Variants in ADGRL4 observed in about 807,000 individuals in gnomAD.
The protein encoded by ADGRL4 is adhesion G protein-coupled receptor L4, also known as EGF, latrophilin and seven transmembrane domain containing 1.
A neutral mutation model predicts 74.8 loss-of-function variants in ADGRL4; 90 were observed. That is an observed-to-expected ratio of 1.20 (90% confidence interval 1.02 to 1.43). The LOEUF (loss-of-function observed/expected upper bound fraction) is 1.43, where lower values mean the gene tolerates loss of function less well. Among genes scored for constraint, ADGRL4 ranks in the 40% most tolerant of loss-of-function variants. ADGRL4 has a pLI of 0.00. For missense variants in ADGRL4, 881 were observed against 814.3 expected (o/e 1.08, Z -1.00); for synonymous variants, 311 against 279.2 (o/e 1.11, Z -1.14).
rs1412853510 is a variant in ADGRL4, at chr1:78,917,941, TA to T, written c.1570del (p.Tyr524ThrfsTer16). 6.2e-7 allele frequency: 1 copy of T among 1,612,536 alleles called. No individual in the cohort carries two copies. The highest frequency in any genetic ancestry group is 1.3e-5 in the African/African-American group (1 of 74,756). ...HLYLIVVGVI[Y>X]NKGFLHKNFY... ...ATTCTTGTGCAAAAATCCCTTGTTG[TA>T]GATGACACCCACAACAATGAGATAG... On this transcript the variant is annotated frameshift_variant, in exon 11 of 15. Transcript: ENST00000370742. LOFTEE classifies it high-confidence loss of function.
At chr1:78,915,259 G>A (rs1291324691) in intron 12 of ADGRL4, among the ~76,000 whole-genome samples, 1 of 151,862 alleles carries the variant, frequency 6.6e-6, no homozygotes, top group African/African-American at 2.4e-5. Flanking sequence ...ACAAAAGCAG[G>A]TGCTAGTCTC....
chr1:78,919,400 C>T (rs899202498), intron 10 of ADGRL4, among the ~76,000 whole-genome samples: 2 of 151,918 alleles, frequency 1.3e-5, no homozygotes, highest in Admixed American at 6.6e-5. Context: ...AAGGATTCCT[C>T]TTACAAAGGA....
intron 2 of ADGRL4, among the ~76,000 whole-genome samples, chr1:78,982,119 A>C (rs1463394070): frequency 2.6e-5 from 4 of 151,898 alleles, no homozygotes; most frequent in Non-Finnish European, 2.9e-5. Context: ...TTGTTATAGA[A>C]TTCCAAATTT....
intron 2 of ADGRL4, among the ~76,000 whole-genome samples, chr1:78,953,436 C>A (rs1342688196): frequency 4.6e-5 from 7 of 152,026 alleles, no homozygotes; most frequent in Admixed American, 4.6e-4. Context: ...GCTGCTAGTT[C>A]ACAAACGAAA....
intron 3 of ADGRL4, among the ~76,000 whole-genome samples, chr1:78,944,983 G>A (rs565691680): frequency 5.7e-4 from 87 of 151,746 alleles, no homozygotes; most frequent in Admixed American, 2.8e-3. Flanking sequence ...TGGGCAACAC[G>A]GTAAAACCCT....
intron 12 of ADGRL4, among the ~76,000 whole-genome samples, chr1:78,901,793 C>T (rs779230711): frequency 1.2e-4 from 18 of 152,166 alleles, no homozygotes; most frequent in Non-Finnish European, 2.4e-4. Flanking sequence ...CGTCTCTCTG[C>T]TAACACCATG....
intron 8 of ADGRL4, among the ~76,000 whole-genome samples, chr1:78,922,811 C>T (rs1649028863): frequency 6.6e-6 from 1 of 151,788 alleles, no homozygotes; most frequent in Non-Finnish European, 1.5e-5. Context: ...CTCAAATTTT[C>T]AGACAAATAT....
At position 78,921,776 on chromosome 1, in the gene ADGRL4, C is replaced by T. The variant is rs1430970832; in HGVS notation, c.1094G>A (p.Arg365Lys). 4 of 1,496,748 alleles carry T rather than the reference C, an allele frequency of 2.7e-6. No homozygotes were observed. Among genetic ancestry groups the T allele is most frequent in the African/African-American group, 1.4e-5 (1 of 69,182 alleles). The allele number at this position is 1,496,748 out of a possible 1,614,324, so 92.7% of individuals were successfully genotyped here. A position where few individuals can be genotyped will look rare whatever the true frequency, so the allele number is the denominator to read the frequency against. Residue 365 changes from arginine to lysine, a missense_variant, in exon 9 of 15, where the codon AGG (arginine) becomes AAG (lysine). Coordinates refer to ENST00000370742, the MANE Select transcript of ADGRL4 (RefSeq NM_022159.4). ...CCAAAATGCACATAGACTCCTATAC[C>T]TATCTGTGACCTGAAAAAAAGATAC... Reference protein sequence around the residue: ...FTLSHRKVTDRYRSLCAFWNY... With the variant: ...FTLSHRKVTDKYRSLCAFWNY...
chr1:78,951,614 C>G (rs529339006), intron 2 of ADGRL4, among the ~76,000 whole-genome samples: 1 of 152,176 alleles, frequency 6.6e-6, no homozygotes, highest in Non-Finnish European at 1.5e-5. Flanking sequence ...AGGGAAAACA[C>G]ATATTTCAAG....
chr1:78,922,836 A>C (rs1039805457), intron 8 of ADGRL4, among the ~76,000 whole-genome samples: 1 of 152,034 alleles, frequency 6.6e-6, no homozygotes, highest in Non-Finnish European at 1.5e-5. Flanking sequence ...TAAAGAAAAC[A>C]TGTCCTGAGT....
chr1:78,965,935 T>C (rs1650047044), intron 2 of ADGRL4, among the ~76,000 whole-genome samples: 1 of 151,908 alleles, frequency 6.6e-6, no homozygotes, highest in African/African-American at 2.4e-5. Flanking sequence ...AAAAGAACTA[T>C]TCTTCAATGA....
intron 14 of ADGRL4, 54 bp downstream of exon 14, chr1:78,891,470 G>T: frequency 6.6e-7 from 1 of 1,524,726 alleles, no homozygotes; most frequent in Non-Finnish European, 8.9e-7. Flanking sequence ...TATCAATTTG[G>T]CAACTGATGT....
chr1:78,912,583 T>C (rs1648784405), intron 12 of ADGRL4, among the ~76,000 whole-genome samples: 1 of 151,790 alleles, frequency 6.6e-6, no homozygotes, highest in African/African-American at 2.4e-5. Flanking sequence ...AAAATCGTCT[T>C]CCACAAAACT....
chr1:78,919,519 C>A (rs764788626), intron 10 of ADGRL4, among the ~76,000 whole-genome samples: 8 of 151,926 alleles, frequency 5.3e-5, no homozygotes, highest in Non-Finnish European at 1.2e-4. Flanking sequence ...AACTGCATTA[C>A]TGTGTGGAAT....
chr1:78,942,254 G>A (rs951141179), intron 3 of ADGRL4, among the ~76,000 whole-genome samples: 1 of 151,720 alleles, frequency 6.6e-6, no homozygotes, highest in Non-Finnish European at 1.5e-5. Flanking sequence ...AAAATGTATG[G>A]GAAGGTGGAA....
intron 12 of ADGRL4, among the ~76,000 whole-genome samples, chr1:78,914,054 G>A (rs1371435918): frequency 1.3e-5 from 2 of 151,966 alleles, no homozygotes; most frequent in East Asian, 3.9e-4. Context: ...GGTTTACAAT[G>A]CTAACTACTT....
At chr1:78,910,410 T>C (rs188764330) in intron 12 of ADGRL4, among the ~76,000 whole-genome samples, 343 of 151,904 alleles carry the variant, frequency 2.3e-3, no homozygotes, top group Non-Finnish European at 3.2e-3. Context: ...GTAAGAGTAG[T>C]GATACAGCAA....
At chr1:78,952,882 A>C (rs539686448) in intron 2 of ADGRL4, among the ~76,000 whole-genome samples, 2 of 152,170 alleles carry the variant, frequency 1.3e-5, no homozygotes, top group Non-Finnish European at 2.9e-5. Flanking sequence ...ACTATGAGTC[A>C]GACTTTGAAA....
chr1:78,964,025 G>A (rs1402407456), intron 2 of ADGRL4, among the ~76,000 whole-genome samples: 2 of 152,154 alleles, frequency 1.3e-5, no homozygotes, highest in African/African-American at 2.4e-5. Flanking sequence ...GCTTAGGTCC[G>A]CTGAACTGTG....
Sources: allele counts gnomAD v4.1 joint callset (sites outside exome capture counted in the v4.1 genomes callset), GRCh38; gene constraint gnomAD v4.1.1; transcripts MANE v1.5; gene names NCBI Gene and HGNC (gene_info 2026-07-23, HGNC 2026-07-21).